Variants in EFCAB7 observed in about 807,000 individuals in gnomAD.
EFCAB7 encodes EF-hand calcium-binding domain-containing protein 7.
In EFCAB7, 66 loss-of-function variants were observed where a neutral mutation model predicts 77.1. The observed-to-expected ratio is 0.86, with a 90% CI of 0.70 to 1.05. The LOEUF is 1.05. EFCAB7 is among the 50% of genes least tolerant of loss of function. EFCAB7 has a pLI of 0.00. For synonymous variants in EFCAB7, 225 were observed against 243.3 expected, an observed-to-expected ratio of 0.92 and a Z score of 0.70; for missense variants, 638 against 730.5, an observed-to-expected ratio of 0.87 and a Z score of 1.46.
chr1:63,543,985 T>G (rs1646861616), intron 6 of EFCAB7, among the ~76,000 whole-genome samples: 1 of 150,266 alleles, frequency 6.7e-6, no homozygotes, highest in South Asian at 2.1e-4. Context: ...TTTTTTTTTT[T>G]TTGAGACAGA....
At chr1:63,557,322 A>G in intron 10 of EFCAB7, 75 bp downstream of exon 10, 1 of 1,352,714 alleles carries the variant, frequency 7.4e-7, no homozygotes, top group South Asian at 1.4e-5. Context: ...AGAAATGAGA[A>G]GTCAAACTTC....
At chr1:63,560,846 A>G (rs1647091006) in intron 10 of EFCAB7, among the ~76,000 whole-genome samples, 1 of 152,066 alleles carries the variant, frequency 6.6e-6, no homozygotes. Flanking sequence ...GCTATTAATC[A>G]GTCAACCGGT....
chr1:63,525,773 AT>A lies in EFCAB7; in HGVS notation c.187+19del. On this transcript the variant is annotated intron_variant, in intron 2 of 13. Transcript: ENST00000371088. ...AACTTTACTTAGGTAAATTTTTAAA[AT>A]TTTTAAATCTTTCACCTTTTTGTTG... is the stretch of plus-strand genomic sequence containing the variant. 1.3e-6 allele frequency: 2 copies of A among 1,517,870 alleles called. No homozygotes were observed. The highest frequency in any genetic ancestry group is 1.8e-6 in the Non-Finnish European group (2 of 1,136,460). The allele number at this position is 1,517,870 out of a possible 1,614,324, so 94.0% of individuals were successfully genotyped here. A position where few individuals can be genotyped will look rare whatever the true frequency, so the allele number is the denominator to read the frequency against.
downstream of EFCAB7, among the ~76,000 whole-genome samples, chr1:63,573,891 G>T (rs745925765): frequency 3.3e-5 from 5 of 152,052 alleles, no homozygotes; most frequent in African/African-American, 1.2e-4. Flanking sequence ...CCATCAGTTT[G>T]CTGAATACCA....
chr1:63,572,665 T>A lies in EFCAB7; in HGVS notation c.*149T>A. 1 of 1,029,324 alleles carries A rather than the reference T, an allele frequency of 9.7e-7. No individual in the cohort carries two copies. The highest frequency in any genetic ancestry group is 1.2e-6 in the Non-Finnish European group (1 of 800,206). 63.8% of individuals were successfully genotyped at this position (1,029,324 alleles called of 1,614,324 possible). A position where few individuals can be genotyped will look rare whatever the true frequency, so the allele number is the denominator to read the frequency against. ...TCATTTTATGTCCATGGTATGTACT[T>A]TATTATTAAAATATAAATAATGCTT... is the stretch of plus-strand genomic sequence containing the variant. On this transcript the variant is annotated 3_prime_UTR_variant, in exon 14 of 14. Coordinates refer to ENST00000371088, the MANE Select transcript of EFCAB7 (RefSeq NM_032437.4).
chr1:63,559,457 T>C (rs1220441217), intron 10 of EFCAB7, among the ~76,000 whole-genome samples: 3 of 152,168 alleles, frequency 2.0e-5, no homozygotes, highest in Non-Finnish European at 2.9e-5. Context: ...GTTCATAGTT[T>C]ACATTAGGTT....
chr1:63,530,996 T>C (rs2100870136), intron 2 of EFCAB7, among the ~76,000 whole-genome samples: 1 of 152,296 alleles, frequency 6.6e-6, no homozygotes, highest in Middle Eastern at 3.4e-3. Flanking sequence ...ATCTTTTCTT[T>C]GTGGTGAGAC....
intron 11 of EFCAB7, among the ~76,000 whole-genome samples, chr1:63,565,458 T>C (rs1473605219): frequency 6.6e-6 from 1 of 152,090 alleles, no homozygotes; most frequent in African/African-American, 2.4e-5. Flanking sequence ...GCAATACCAT[T>C]CAAGATATAG....
intron 6 of EFCAB7, among the ~76,000 whole-genome samples, chr1:63,542,105 C>T (rs769521239): frequency 6.6e-6 from 1 of 152,040 alleles, no homozygotes; most frequent in Non-Finnish European, 1.5e-5. Context: ...CCCCATTTCC[C>T]CCTCCCCACA....
chr1:63,539,055 C>T (rs1330500594), intron 6 of EFCAB7, among the ~76,000 whole-genome samples: 2 of 152,108 alleles, frequency 1.3e-5, no homozygotes, highest in African/African-American at 4.8e-5. Context: ...GCATTATTTT[C>T]TAGACATGGT....
intron 7 of EFCAB7, chr1:63,547,919 G>C (rs1646918705): frequency 1.3e-5 from 2 of 152,254 alleles, no homozygotes; most frequent in South Asian, 4.1e-4. Flanking sequence ...GTTATATTCT[G>C]TTGCTCACAG....
intron 10 of EFCAB7, among the ~76,000 whole-genome samples, chr1:63,557,830 A>G (rs190761968): frequency 5.3e-4 from 81 of 152,350 alleles, no homozygotes; most frequent in Admixed American, 3.9e-3. Flanking sequence ...TTTAAGCCAA[A>G]GACCCCAAGG....
intron 8 of EFCAB7, 173 bp from the exon 9 acceptor site, chr1:63,555,185 C>T (rs1647016217): frequency 4.7e-6 from 3 of 640,524 alleles, no homozygotes; most frequent in South Asian, 7.4e-5. Flanking sequence ...TTACCATTAA[C>T]AAAAAGAATT....
intron 6 of EFCAB7, among the ~76,000 whole-genome samples, chr1:63,542,017 T>C (rs1039989769): frequency 6.6e-6 from 1 of 152,222 alleles, no homozygotes; most frequent in Non-Finnish European, 1.5e-5. Context: ...ACATTCACAC[T>C]GTTGTACAAC....
chr1:63,578,720 C>G, the EFCAB7 span, among the ~76,000 whole-genome samples: 1 of 151,886 alleles, frequency 6.6e-6, no homozygotes, highest in African/African-American at 2.4e-5. Flanking sequence ...GGATTACAGG[C>G]GTGAGCCACT....
chr1:63,529,021 G>A (rs1237327449), intron 2 of EFCAB7: 2 of 152,088 alleles, frequency 1.3e-5, no homozygotes, highest in African/African-American at 4.8e-5. Flanking sequence ...TTAAAGGGTA[G>A]GAGCTGGCTG....
At chr1:63,556,258 C>T (rs563924851) in intron 9 of EFCAB7, among the ~76,000 whole-genome samples, 1 of 151,858 alleles carries the variant, frequency 6.6e-6, no homozygotes, top group Non-Finnish European at 1.5e-5. Flanking sequence ...TTAAATGTTC[C>T]CACTAGAAAA....
Position 63,538,465 on chromosome 1 carries a change from T to C in EFCAB7, c.804+4249T>C, listed in dbSNP as rs992758036. ...AGGGTATTTTTTTTTCTTTTTCTTTTTTTTTTGAGATGGAGTCTCACTCTA... is the reference window on the plus strand; with the variant it reads ...AGGGTATTTTTTTTTCTTTTTCTTTCTTTTTTGAGATGGAGTCTCACTCTA... On this transcript the variant is annotated intron_variant, in intron 6 of 13. Transcript: ENST00000371088. Among the ~76,000 whole-genome samples the C allele has an allele frequency of 5.9e-5, 9 of 152,244 alleles. No individual in the cohort carries two copies. The East Asian group carries it at 1.7e-3, about 29-fold the overall frequency.
intron 5 of EFCAB7, 31 bp downstream of exon 5, chr1:63,533,680 A>G: frequency 6.8e-7 from 1 of 1,471,404 alleles, no homozygotes; most frequent in Non-Finnish European, 9.2e-7. Flanking sequence ...GAATTTCTTG[A>G]TCAGAAATGA....
Sources: allele counts gnomAD v4.1 joint callset (sites outside exome capture counted in the v4.1 genomes callset), GRCh38; gene constraint gnomAD v4.1.1; transcripts MANE v1.5; gene names NCBI Gene and HGNC (gene_info 2026-07-23, HGNC 2026-07-21).